Variants in HCN1 observed in about 807,000 individuals in gnomAD.
HCN1 encodes the protein potassium/sodium hyperpolarization-activated cyclic nucleotide-gated channel 1.
A neutral mutation model predicts 78.9 loss-of-function variants in HCN1; 13 were observed. The ratio of observed to expected loss-of-function variants is 0.16; its 90% CI spans 0.11 to 0.26. The LOEUF is 0.26. Among genes scored for constraint, HCN1 ranks in the 10% least tolerant of loss-of-function variants. The pLI is 1.00. For synonymous variants in HCN1, 552 were observed against 455.5 expected (o/e 1.21, Z -2.70); for missense variants, 810 against 1,154.3 (o/e 0.70, Z 4.32).
At chr5:45,297,855 A>T (rs1014908518) in intron 6 of HCN1, among the ~76,000 whole-genome samples, 1 of 152,072 alleles carries the variant, frequency 6.6e-6, no homozygotes, top group South Asian at 2.1e-4. Flanking sequence ...AGAAGAAAAA[A>T]CATAGGATCA....
chr5:45,415,396 A>G (rs1193563028), intron 3 of HCN1, among the ~76,000 whole-genome samples: 1 of 151,916 alleles, frequency 6.6e-6, no homozygotes, highest in Non-Finnish European at 1.5e-5. Context: ...GAGAATCACA[A>G]AAACTTGGTC....
intron 4 of HCN1, among the ~76,000 whole-genome samples, chr5:45,384,326 A>G (rs1420302738): frequency 6.6e-6 from 1 of 152,190 alleles, no homozygotes; most frequent in Non-Finnish European, 1.5e-5. Flanking sequence ...CATCCAATAT[A>G]GTCACAGAAA....
At chr5:45,665,865 C>G (rs1418319639) in intron 1 of HCN1, among the ~76,000 whole-genome samples, 1 of 152,060 alleles carries the variant, frequency 6.6e-6, no homozygotes, top group East Asian at 1.9e-4. Flanking sequence ...TACCTAATCT[C>G]TCTAATTTCT....
intron 2 of HCN1, among the ~76,000 whole-genome samples, chr5:45,608,352 G>GGTGTGTGTGTGT (rs1239049493): frequency 9.0e-6 from 1 of 111,190 alleles, no homozygotes; most frequent in Non-Finnish European, 1.9e-5. Flanking sequence ...GGGTAGGATG[G>GGTGTGTGTGTGT]GTGTATGTGT....
At position 45,460,797 on chromosome 5, in the gene HCN1, C is replaced by CT. The variant is rs552817320; in HGVS notation, c.1011+1048dup. On this transcript the variant is annotated intron_variant, in intron 3 of 7. Coordinates refer to ENST00000303230, the MANE Select transcript of HCN1 (RefSeq NM_021072.4). ...CATCTTAACTGTCAATGTAAATCGC[C>CT]TTTTTTTTTTCAAATAGAAAACCTA... Among the ~76,000 whole-genome samples, 382 of 142,084 alleles carry CT rather than the reference C, an allele frequency of 2.7e-3. 1 individual carries two copies. The highest frequency in any genetic ancestry group is 0.023 in the South Asian group (103 of 4,506). 93.2% of individuals were successfully genotyped at this position (142,084 alleles called of 152,430 possible). A position where few individuals can be genotyped will look rare whatever the true frequency, so the allele number is the denominator to read the frequency against.
intron 3 of HCN1, among the ~76,000 whole-genome samples, chr5:45,443,136 TG>T (rs1446452773): frequency 6.6e-6 from 1 of 152,098 alleles, no homozygotes; most frequent in Non-Finnish European, 1.5e-5. Flanking sequence ...AATATTAAAT[TG>T]TTTTTTGATA....
rs193120885 is a variant in HCN1, at chr5:45,375,495, T to C, written c.1230+20997A>G. On this transcript the variant is annotated intron_variant, in intron 4 of 7. Transcript: ENST00000303230. ...TAAGATCATATTTTATGATACATAT[T>C]ATATATAAGATCATATTTTATGATA... is the stretch of plus-strand genomic sequence containing the variant. Among the ~76,000 whole-genome samples, 98 of 53,812 alleles carry C rather than the reference T, an allele frequency of 1.8e-3. 1 individual carries two copies. The highest frequency in any genetic ancestry group is 9.7e-3 in the African/African-American group (96 of 9,886). The allele number at this position is 53,812 out of a possible 152,430, so 35.3% of individuals were successfully genotyped here. A position where few individuals can be genotyped will look rare whatever the true frequency, so the allele number is the denominator to read the frequency against.
intron 3 of HCN1, 25 bp downstream of exon 3, chr5:45,461,821 G>A (rs1240580166): frequency 1.2e-6 from 2 of 1,600,806 alleles, no homozygotes; most frequent in Admixed American, 1.7e-5. Flanking sequence ...AAAAGTCAGA[G>A]TGTAAAATAA....
chr5:45,557,156 C>A (rs1289429219), intron 2 of HCN1, among the ~76,000 whole-genome samples: 2 of 152,186 alleles, frequency 1.3e-5, no homozygotes, highest in African/African-American at 2.4e-5. Context: ...CAATTCCTCC[C>A]AAAGCTCTCT....
intron 6 of HCN1, among the ~76,000 whole-genome samples, chr5:45,297,269 G>A (rs1206978861): frequency 6.6e-6 from 1 of 152,106 alleles, no homozygotes; most frequent in Non-Finnish European, 1.5e-5. Context: ...ATTGTTTGTG[G>A]CTTAAGAATG....
intron 5 of HCN1, among the ~76,000 whole-genome samples, chr5:45,336,014 G>A (rs1253533584): frequency 6.6e-6 from 1 of 151,942 alleles, no homozygotes; most frequent in Non-Finnish European, 1.5e-5. Flanking sequence ...CTTATTAATG[G>A]TGGTACAGAA....
chr5:45,597,610 G>C (rs953644914), intron 2 of HCN1, among the ~76,000 whole-genome samples: 1 of 152,114 alleles, frequency 6.6e-6, no homozygotes, highest in Non-Finnish European at 1.5e-5. Context: ...ATTCAATTAG[G>C]AAAACAGGAA....
intron 2 of HCN1, among the ~76,000 whole-genome samples, chr5:45,486,226 C>A (rs1418664742): frequency 6.6e-6 from 1 of 152,106 alleles, no homozygotes; most frequent in Non-Finnish European, 1.5e-5. Flanking sequence ...GAATGTCTGA[C>A]TAGTCTCCCA....
chr5:45,299,815 T>C (rs1439763324), intron 6 of HCN1, among the ~76,000 whole-genome samples: 1 of 152,022 alleles, frequency 6.6e-6, no homozygotes, highest in East Asian at 1.9e-4. Flanking sequence ...TTCTAAGAAG[T>C]GAGCATAACC....
chr5:45,577,866 T>C (rs1008923963), intron 2 of HCN1, among the ~76,000 whole-genome samples: 16 of 152,070 alleles, frequency 1.1e-4, no homozygotes, highest in African/African-American at 3.4e-4. Context: ...AATGATATTG[T>C]TGCCTAAGTT....
At chr5:45,599,027 C>T (rs527401101) in intron 2 of HCN1, among the ~76,000 whole-genome samples, 1 of 152,210 alleles carries the variant, frequency 6.6e-6, no homozygotes, top group East Asian at 1.9e-4. Context: ...GGATCTAGAA[C>T]TAGAAATACC....
chr5:45,317,742 A>C (rs1746026265), intron 5 of HCN1, among the ~76,000 whole-genome samples: 1 of 152,066 alleles, frequency 6.6e-6, no homozygotes, highest in East Asian at 1.9e-4. Flanking sequence ...ACCCCATCAA[A>C]AAGTGGGCGA....
intron 3 of HCN1, among the ~76,000 whole-genome samples, chr5:45,445,037 G>C (rs1426363940): frequency 6.6e-6 from 1 of 152,192 alleles, no homozygotes; most frequent in African/African-American, 2.4e-5. Context: ...GTGGGCGCAG[G>C]ACAGTGGGTG....
At chr5:45,524,839 T>C in intron 2 of HCN1, among the ~76,000 whole-genome samples, 1 of 152,190 alleles carries the variant, frequency 6.6e-6, no homozygotes, top group African/African-American at 2.4e-5. Context: ...CCTAATTGAA[T>C]ACCCTTTATT....
Sources: allele counts gnomAD v4.1 joint callset (sites outside exome capture counted in the v4.1 genomes callset), GRCh38; gene constraint gnomAD v4.1.1; transcripts MANE v1.5; gene names NCBI Gene and HGNC (gene_info 2026-07-23, HGNC 2026-07-21).